Variants in ABCA8 observed in about 807,000 individuals in gnomAD.
The protein encoded by ABCA8 is ABC-type organic anion transporter ABCA8.
A neutral mutation model predicts 192.3 loss-of-function variants in ABCA8; 177 were observed. That is an observed-to-expected ratio of 0.92 (90% CI 0.81 to 1.04). ABCA8 has a LOEUF of 1.04. ABCA8 is among the 50% of genes least tolerant of loss of function. The pLI is 0.00. For synonymous variants in ABCA8, 642 were observed against 690.2 expected (o/e 0.93, Z 1.09); for missense variants, 1,915 against 1,904.8 (o/e 1.01, Z -0.10).
intron 7 of ABCA8, 51 bp downstream of exon 7, chr17:68,932,237 C>G (rs746711219): frequency 7.1e-7 from 1 of 1,414,902 alleles, no homozygotes. Flanking sequence ...TTGAAGATTC[C>G]CAGTTTTCCT....
intron 19 of ABCA8, among the ~76,000 whole-genome samples, chr17:68,905,610 G>T (rs1243055699): frequency 6.8e-6 from 1 of 147,472 alleles, no homozygotes; most frequent in Non-Finnish European, 1.5e-5. Flanking sequence ...CTAACATAAA[G>T]AAAAAAAAAA....
intron 37 of ABCA8, 55 bp downstream of exon 37, chr17:68,875,205 C>G: frequency 2.5e-6 from 4 of 1,605,030 alleles, no homozygotes; most frequent in Non-Finnish European, 3.4e-6. Flanking sequence ...CTCAACATAA[C>G]TGACAAGTAA....
chr17:68,888,840 A>T (rs2066557806), intron 24 of ABCA8, among the ~76,000 whole-genome samples: 1 of 152,160 alleles, frequency 6.6e-6, no homozygotes, highest in Admixed American at 6.5e-5. Flanking sequence ...ATAGAGCTAG[A>T]TGGGTTTGCC....
intron 33 of ABCA8, 56 bp from the exon 34 acceptor site, chr17:68,876,759 G>T (rs569865802): frequency 6.2e-7 from 1 of 1,606,518 alleles, no homozygotes; most frequent in African/African-American, 1.3e-5. Flanking sequence ...TAGATAAGAG[G>T]ATAACCCAAG....
intron 27 of ABCA8, chr17:68,884,966 C>T (rs2066422872): frequency 3.0e-6 from 2 of 663,086 alleles, no homozygotes; most frequent in Non-Finnish European, 3.7e-6. Context: ...ACTCTGTTTC[C>T]CACTACCCCT....
At chr17:68,939,964 A>G (rs1159524098) in intron 4 of ABCA8, among the ~76,000 whole-genome samples, 1 of 152,062 alleles carries the variant, frequency 6.6e-6, no homozygotes, top group Non-Finnish European at 1.5e-5. Context: ...ATGGCTTTCA[A>G]AATGCACTCC....
intron 21 of ABCA8, among the ~76,000 whole-genome samples, 161 bp from the exon 22 acceptor site, chr17:68,895,174 C>T (rs1402041926): frequency 6.6e-6 from 1 of 151,992 alleles, no homozygotes; most frequent in Non-Finnish European, 1.5e-5. Context: ...TCATGGAATT[C>T]CTTCATGATA....
rs1308372235 is a variant in ABCA8 at position 68,937,124 on chromosome 17, A to G, written c.302-9T>C. 1 of 1,581,894 alleles carries G rather than the reference A, an allele frequency of 6.3e-7. No individual in the cohort carries two copies. Among genetic ancestry groups the G allele is most frequent in the Non-Finnish European group, 8.6e-7 (1 of 1,168,960 alleles). ...TCCCAAGACCTCTTTACCTTTTGTT[A>G]CAAGAAGGAATATTATTGTTAGTAA... On this transcript the variant is annotated splice_polypyrimidine_tract_variant and intron_variant, in intron 4 of 39. Coordinates refer to ENST00000586539, the MANE Select transcript of ABCA8 (RefSeq NM_001288985.2).
At position 68,937,087 on chromosome 17, in the gene ABCA8, C is replaced by T. The variant is rs1300839450; in HGVS notation, c.330G>A (p.Glu110=). 2 of 1,607,864 alleles carry T rather than the reference C, an allele frequency of 1.2e-6. No homozygotes were observed. Among genetic ancestry groups the T allele is most frequent in the East Asian group, 4.5e-5 (2 of 44,328 alleles). The change falls in exon 5 of 40, where the codon GAG becomes GAA. Residue 110 remains glutamate, a synonymous_variant. Transcript: ENST00000586539. The part of the protein sequence containing the change: ...AGKEVLGLPD[E]ESIKEFTANY... ...TTGCTGTGAATTCTTTAATACTTTCCTCATCTGGCAGTCCCAAGACCTCTT... is the reference window on the plus strand; with the variant it reads ...TTGCTGTGAATTCTTTAATACTTTCTTCATCTGGCAGTCCCAAGACCTCTT...
intron 29 of ABCA8, among the ~76,000 whole-genome samples, chr17:68,883,364 C>T (rs879823345): frequency 3.2e-4 from 49 of 152,298 alleles, no homozygotes; most frequent in African/African-American, 8.9e-4. Flanking sequence ...GCTTTTAAGT[C>T]CCATTAATAA....
chr17:68,918,063 C>T lies in ABCA8; in HGVS notation c.2031G>A (p.Glu677=). Residue 677 remains glutamate (E), a synonymous_variant, in exon 16 of 40, where the codon GAG becomes GAA. Coordinates refer to ENST00000586539, the MANE Select transcript of ABCA8 (RefSeq NM_001288985.2). The part of the protein sequence containing the change: ...VILFSTQFMD[E]ADILADRKVF... Reference sequence around the variant, plus strand: ...AGTGATTACCCGCCAGGATGTCGGCCTCATCCATGAACTGGGTACTGAAGA... The same window carrying T: ...AGTGATTACCCGCCAGGATGTCGGCTTCATCCATGAACTGGGTACTGAAGA... 1.2e-6 allele frequency: 2 copies of T among 1,614,120 alleles called. No homozygotes were observed. Among genetic ancestry groups the T allele is most frequent in the South Asian group, 2.2e-5 (2 of 91,072 alleles).
intron 4 of ABCA8, among the ~76,000 whole-genome samples, chr17:68,938,853 G>A (rs189695629): frequency 7.0e-4 from 107 of 152,198 alleles, no homozygotes; most frequent in Admixed American, 2.5e-3. Flanking sequence ...TAGTATTAGC[G>A]TAGTTGGCTT....
At chr17:68,933,531 T>C (rs2067970240) in intron 5 of ABCA8, among the ~76,000 whole-genome samples, 1 of 152,210 alleles carries the variant, frequency 6.6e-6, no homozygotes, top group Non-Finnish European at 1.5e-5. Context: ...TACCGTGTCC[T>C]GTGCTTTTCT....
chr17:68,885,346 T>A, intron 26 of ABCA8, 31 bp from the exon 27 acceptor site: 1 of 1,571,908 alleles, frequency 6.4e-7, no homozygotes, highest in East Asian at 2.3e-5. Flanking sequence ...GGTTAATCAC[T>A]CTGAATTTCA....
chr17:68,921,455 T>A lies in ABCA8; in HGVS notation c.1539A>T (p.Ala513=). ...TTCCAGCTCCACTGTGACCAAGTATTGCAGTGATTTGGCCTTCGTAAATGT... is the reference window on the plus strand; with the variant it reads ...TTCCAGCTCCACTGTGACCAAGTATAGCAGTGATTTGGCCTTCGTAAATGT... ...VFDIYEGQIT[A]ILGHSGAGKS... Residue 513 remains alanine, a synonymous_variant, in exon 13 of 40, where the codon GCA becomes GCT. Transcript: ENST00000586539. 1 of 1,609,126 alleles carries A rather than the reference T, an allele frequency of 6.2e-7. No individual in the cohort carries two copies. The highest frequency in any genetic ancestry group is 8.5e-7 in the Non-Finnish European group (1 of 1,176,788).
At chr17:68,869,922 C>T (rs917710648) in intron 37 of ABCA8, 143 bp from the exon 38 acceptor site, 43 of 605,900 alleles carry the variant, frequency 7.1e-5, no homozygotes, top group Non-Finnish European at 1.1e-4. Context: ...TAACAAATTT[C>T]GAAGTGAACA....
chr17:68,916,802 C>A (rs1354474907), intron 17 of ABCA8, among the ~76,000 whole-genome samples: 3 of 152,074 alleles, frequency 2.0e-5, no homozygotes, highest in Non-Finnish European at 4.4e-5. Flanking sequence ...TTAATACATA[C>A]CTCCATTAAT....
At chr17:68,947,213 A>C (rs2068435571) in intron 2 of ABCA8, among the ~76,000 whole-genome samples, 1 of 152,136 alleles carries the variant, frequency 6.6e-6, no homozygotes, top group Non-Finnish European at 1.5e-5. Context: ...GACATTAGAT[A>C]TTTTCTTATG....
intron 17 of ABCA8, among the ~76,000 whole-genome samples, chr17:68,908,260 G>T (rs544186662): frequency 6.6e-6 from 1 of 152,168 alleles, no homozygotes; most frequent in Non-Finnish European, 1.5e-5. Context: ...GCAGTTGAAG[G>T]TTCAGTTTTA....
Sources: allele counts gnomAD v4.1 joint callset (sites outside exome capture counted in the v4.1 genomes callset), GRCh38; gene constraint gnomAD v4.1.1; transcripts MANE v1.5; gene names NCBI Gene and HGNC (gene_info 2026-07-23, HGNC 2026-07-21).